Variants in MCF2L observed in about 807,000 individuals in gnomAD.
MCF2L encodes guanine nucleotide exchange factor DBS.
A neutral mutation model predicts 153.4 loss-of-function variants in MCF2L; 97 were observed. The observed-to-expected ratio is 0.63, with a 90% CI of 0.54 to 0.75. The LOEUF is 0.75. Ranked by LOEUF, MCF2L falls within the 30% of genes least tolerant of loss-of-function variation. The pLI, the probability that MCF2L is intolerant of heterozygous loss-of-function variation, is 0.00. For synonymous variants in MCF2L, 659 were observed against 632.2 expected, an observed-to-expected ratio of 1.04 and a Z score of -0.64; for missense variants, 1,347 against 1,495.2, an observed-to-expected ratio of 0.90 and a Z score of 1.64.
chr13:112,970,562 T>G (rs1424354702), intron 1 of MCF2L, among the ~76,000 whole-genome samples: 4 of 152,050 alleles, frequency 2.6e-5, no homozygotes, highest in Non-Finnish European at 5.9e-5. Context: ...CGTGCAGGGT[T>G]TGCAGGGTTT....
At chr13:112,944,007 GGGCCTTGAGGGGAGGGGAGGATCCTA>G (rs2081606729) in intron 2 of MCF2L, among the ~76,000 whole-genome samples, 2 of 137,474 alleles carry the variant, frequency 1.5e-5, no homozygotes, top group Non-Finnish European at 3.1e-5. Flanking sequence ...GGAGGGTCCC[GGGCCTTGAGGGGAGGGGAGGATCCTA>G]GGCCGTGAGG....
At chr13:112,994,744 G>A (rs545181401) in intron 1 of MCF2L, among the ~76,000 whole-genome samples, 14 of 152,164 alleles carry the variant, frequency 9.2e-5, no homozygotes, top group Admixed American at 2.6e-4. Context: ...TGGGGTCGCC[G>A]CTGCGGGCAG....
chr13:113,044,625 G>A (rs2086687997), intron 3 of MCF2L: 1 of 1,595,366 alleles, frequency 6.3e-7, no homozygotes, highest in Non-Finnish European at 8.5e-7. Flanking sequence ...CACGGAAGAG[G>A]GCTCTCCGCA....
intron 1 of MCF2L, among the ~76,000 whole-genome samples, chr13:113,005,069 C>A (rs532840240): frequency 6.6e-6 from 1 of 152,172 alleles, no homozygotes; most frequent in Non-Finnish European, 1.5e-5. Flanking sequence ...CCAGCCCACA[C>A]GTGGAATCGA....
rs1031924087 is a variant in MCF2L at position 113,031,449 on chromosome 13, G to A, written c.278+6691G>A. Among the ~76,000 whole-genome samples the A allele has an allele frequency of 3.9e-5, 6 of 152,204 alleles. No individual in the cohort carries two copies. The highest frequency in any genetic ancestry group is 9.7e-5 in the African/African-American group (4 of 41,446). ...GCACCAGGGGGCAGGACAGAGTGCC[G>A]GGGAGTCGGGGGCTGTAGGGACAGA... On this transcript the variant is annotated intron_variant, in intron 3 of 29. Coordinates refer to ENST00000535094, the MANE Select transcript of MCF2L (RefSeq NM_001112732.3). This position sits in a 1 kb window ranked among gnomAD's most constrained non-coding sequence, Gnocchi z 5.5.
At chr13:113,060,963 G>A (rs1368650891) in intron 5 of MCF2L, among the ~76,000 whole-genome samples, 4 of 135,516 alleles carry the variant, frequency 3.0e-5, no homozygotes, top group African/African-American at 5.4e-5. Flanking sequence ...AGAGGCCACC[G>A]TGTGGGCATC....
intron 2 of MCF2L, among the ~76,000 whole-genome samples, chr13:112,905,678 A>G (rs1487526350): frequency 6.6e-6 from 1 of 152,188 alleles, no homozygotes; most frequent in African/African-American, 2.4e-5. Flanking sequence ...TGGGCATAAC[A>G]TTCTGAGGTT....
Position 113,082,473 on chromosome 13 carries a change from C to T in MCF2L, c.1922C>T (p.Ser641Leu). The T allele has an allele frequency of 6.2e-7, 1 of 1,614,080 alleles. No individual in the cohort carries two copies. The highest frequency in any genetic ancestry group is 2.2e-5 in the East Asian group (1 of 44,866). ...AACCCACTGATGGCTCACCTCCTGTCAACAGGCCTTCACAACAAGAAGGAT... is the reference window on the plus strand; with the variant it reads ...AACCCACTGATGGCTCACCTCCTGTTAACAGGCCTTCACAACAAGAAGGAT... ...MDNPLMAHLLSTGLHNKKDVL... is the reference protein window; with the variant it reads ...MDNPLMAHLLLTGLHNKKDVL... Residue 641 changes from serine (S) to leucine (L), a missense_variant, in exon 17 of 30, where the codon TCA (serine) becomes TTA (leucine). Physicochemically the swap from Ser to Leu is moderately radical, Grantham distance 145. Coordinates refer to ENST00000535094, the MANE Select transcript of MCF2L (RefSeq NM_001112732.3).
intron 26 of MCF2L, among the ~76,000 whole-genome samples, chr13:113,092,931 G>T (rs779038396): frequency 6.1e-5 from 9 of 147,090 alleles, no homozygotes; most frequent in Non-Finnish European, 1.2e-4. Flanking sequence ...GTTTCACCCC[G>T]CACAGGCCGG....
At chr13:113,002,907 G>A (rs1008137241) in intron 1 of MCF2L, among the ~76,000 whole-genome samples, 32 of 152,054 alleles carry the variant, frequency 2.1e-4, no homozygotes, top group African/African-American at 5.1e-4. Flanking sequence ...AGCAGTTCAC[G>A]CCTGTAATCC....
intron 2 of MCF2L, among the ~76,000 whole-genome samples, chr13:113,022,591 C>A (rs371706162): frequency 1.3e-5 from 2 of 152,264 alleles, no homozygotes; most frequent in Non-Finnish European, 2.9e-5. Context: ...GCGCAGGCTG[C>A]GGCCGTTTCC....
intron 2 of MCF2L, among the ~76,000 whole-genome samples, chr13:112,936,388 A>G (rs891189560): frequency 1.3e-5 from 2 of 151,988 alleles, no homozygotes; most frequent in African/African-American, 2.4e-5. Flanking sequence ...ATGCCACCCA[A>G]TCTATGGTGC....
upstream of MCF2L, among the ~76,000 whole-genome samples, chr13:112,967,259 G>T (rs1240607950): frequency 6.6e-6 from 1 of 152,096 alleles, no homozygotes; most frequent in Non-Finnish European, 1.5e-5. Flanking sequence ...CCATTTGAGG[G>T]CACTTTTTGC....
At chr13:113,022,788 G>T (rs2084974706) in intron 2 of MCF2L, among the ~76,000 whole-genome samples, 1 of 152,258 alleles carries the variant, frequency 6.6e-6, no homozygotes, top group African/African-American at 2.4e-5. Flanking sequence ...GGCGGCTGAG[G>T]GGAGGCTTGT....
intron 2 of MCF2L, among the ~76,000 whole-genome samples, chr13:112,936,740 G>C (rs1458936265): frequency 6.6e-6 from 1 of 152,184 alleles, no homozygotes; most frequent in Non-Finnish European, 1.5e-5. Context: ...CATAACAATG[G>C]AGTGTAGATA....
intron 1 of MCF2L, among the ~76,000 whole-genome samples, chr13:113,014,417 G>A (rs1384157309): frequency 6.6e-6 from 1 of 152,184 alleles, no homozygotes; most frequent in Non-Finnish European, 1.5e-5. Flanking sequence ...AGACCAAAGT[G>A]TATTTATCCG....
At position 112,918,837 on chromosome 13, in the gene MCF2L, C is replaced by T. The variant is rs148976490; in HGVS notation, c.169+16466C>T. Among the ~76,000 whole-genome samples the T allele has an allele frequency of 2.0e-5, 3 of 152,220 alleles. No homozygotes were observed. The East Asian group carries it at 5.8e-4, about 29-fold the overall frequency. On this transcript the variant is annotated intron_variant, in intron 2 of 29. Coordinates refer to the MCF2L transcript ENST00000375608. The stretch of plus-strand genomic sequence containing the variant: ...ACTGAAGCATCGGCCCAGACTTTCA[C>T]GAGCGGGGTCCCATTTTCCCAGTGC...
intron 1 of MCF2L, among the ~76,000 whole-genome samples, chr13:112,994,960 G>A (rs1457607878): frequency 1.3e-5 from 2 of 152,358 alleles, no homozygotes; most frequent in Non-Finnish European, 2.9e-5. Flanking sequence ...CGTGTGCACC[G>A]GGCTGCGGAG....
At chr13:113,091,846 G>T (rs2035249072) in intron 26 of MCF2L, among the ~76,000 whole-genome samples, 1 of 152,174 alleles carries the variant, frequency 6.6e-6, no homozygotes, top group African/African-American at 2.4e-5. Flanking sequence ...TTGCAATCTT[G>T]AGTTTTCAAA....
Sources: gnomAD v4.1 joint callset for allele counts (sites outside exome capture counted in the v4.1 genomes callset) on GRCh38, gnomAD v4.1.1 for gene constraint, Gnocchi (gnomAD v3.1) non-coding constraint, MANE v1.5 for transcripts, NCBI Gene and HGNC (gene_info 2026-07-23, HGNC 2026-07-21) for gene names.